PRKAR2A: variants seen among roughly 807,000 people sequenced by gnomAD.
PRKAR2A encodes protein kinase cAMP-dependent type II regulatory subunit alpha, also known as cAMP-dependent protein kinase type II-alpha regulatory subunit.
PRKAR2A carries 29 observed loss-of-function variants against 51.9 expected under a neutral mutation model. The ratio of observed to expected loss-of-function variants is 0.56; its 90% CI spans 0.42 to 0.76. PRKAR2A has a LOEUF of 0.76. Among genes scored for constraint, PRKAR2A ranks in the 30% least tolerant of loss-of-function variants. The probability of loss-of-function intolerance (pLI) is 0.00; values close to 1 mark genes in which losing one functional copy is unlikely to be tolerated. For missense variants in PRKAR2A, 445 were observed against 512.1 expected (o/e 0.87, Z 1.26); for synonymous variants, 178 against 186.2 (o/e 0.96, Z 0.36).
intron 1 of PRKAR2A, among the ~76,000 whole-genome samples, chr3:48,834,018 A>G (rs1279596287): frequency 6.6e-6 from 1 of 151,078 alleles, no homozygotes; most frequent in Non-Finnish European, 1.5e-5. Context: ...CTGGGCAACA[A>G]AGCAAGACTC....
intron 8 of PRKAR2A, among the ~76,000 whole-genome samples, chr3:48,761,435 A>T (rs981387013): frequency 1.1e-4 from 16 of 152,204 alleles, no homozygotes; most frequent in African/African-American, 3.4e-4. Flanking sequence ...GTATAAACTT[A>T]GATGTGCTAT....
intron 6 of PRKAR2A, among the ~76,000 whole-genome samples, chr3:48,766,924 C>T (rs1004338951): frequency 1.3e-5 from 2 of 152,222 alleles, no homozygotes; most frequent in Middle Eastern, 3.4e-3. Flanking sequence ...GTGATCTCCC[C>T]ACCTCAGCCT....
At chr3:48,791,428 C>G (rs1271073175) in intron 3 of PRKAR2A, among the ~76,000 whole-genome samples, 1 of 138,122 alleles carries the variant, frequency 7.2e-6, no homozygotes, top group Non-Finnish European at 1.5e-5. Context: ...AACCCCATCT[C>G]TACTAAAAAC....
intron 3 of PRKAR2A, among the ~76,000 whole-genome samples, chr3:48,793,490 C>G (rs1256142672): frequency 6.6e-6 from 1 of 152,102 alleles, no homozygotes; most frequent in Non-Finnish European, 1.5e-5. Flanking sequence ...CCAGGCTAGT[C>G]TCAACTCCTG....
At chr3:48,789,044 A>G (rs1294822966) in intron 4 of PRKAR2A, among the ~76,000 whole-genome samples, 1 of 152,112 alleles carries the variant, frequency 6.6e-6, no homozygotes, top group Non-Finnish European at 1.5e-5. Context: ...ACTATTATCA[A>G]TGAAGGGAAC....
At chr3:48,790,745 T>C (rs2082369406) in intron 3 of PRKAR2A, 118 bp from the exon 4 acceptor site, 1 of 607,528 alleles carries the variant, frequency 1.6e-6, no homozygotes, top group Non-Finnish European at 2.6e-6. Flanking sequence ...GTTTCTGTTA[T>C]TTTAATTTTA....
At chr3:48,765,105 G>C in intron 7 of PRKAR2A, 27 bp from the exon 8 acceptor site, 1 of 1,606,088 alleles carries the variant, frequency 6.2e-7, no homozygotes, top group South Asian at 1.1e-5. Flanking sequence ...ACAAATAAAA[G>C]GAAAAGACCT....
In PRKAR2A at chr3:48,815,398, G is replaced by C. The variant is rs192912176; in HGVS notation, c.263-7714C>G. On this transcript the variant is annotated intron_variant, in intron 1 of 10. Coordinates refer to ENST00000265563, the MANE Select transcript of PRKAR2A (RefSeq NM_004157.4). ...ACAAAAAGTAAGTCAGCTTTATTATGCTTTAAAAAGGAAGCTGGACGGGCA... is the reference window on the plus strand; with the variant it reads ...ACAAAAAGTAAGTCAGCTTTATTATCCTTTAAAAAGGAAGCTGGACGGGCA... Among the ~76,000 whole-genome samples the C allele has an allele frequency of 3.5e-3, 534 of 151,204 alleles. 6 individuals are homozygous for C. The highest frequency in any genetic ancestry group is 0.012 in the African/African-American group (504 of 41,386).
intron 2 of PRKAR2A, among the ~76,000 whole-genome samples, chr3:48,794,548 A>C (rs2107323042): frequency 6.6e-6 from 1 of 151,940 alleles, no homozygotes; most frequent in East Asian, 2.0e-4. Flanking sequence ...TACAAAAATT[A>C]GCTGGGCGTG....
chr3:48,829,808 T>G (rs2083150375), intron 1 of PRKAR2A, among the ~76,000 whole-genome samples: 1 of 114,152 alleles, frequency 8.8e-6, no homozygotes, highest in Admixed American at 8.5e-5. Context: ...TATATATACA[T>G]ATATATGTAT....
At chr3:48,751,823 G>T in intron 10 of PRKAR2A, 105 bp from the exon 11 acceptor site, 1 of 1,337,060 alleles carries the variant, frequency 7.5e-7, no homozygotes, top group Admixed American at 2.5e-5. Flanking sequence ...ATTACGCCTT[G>T]GGACACCAGC....
chr3:48,771,513 T>G (rs1257322159), intron 6 of PRKAR2A, among the ~76,000 whole-genome samples: 1 of 152,228 alleles, frequency 6.6e-6, no homozygotes, highest in East Asian at 1.9e-4. Flanking sequence ...GATCTGTTAT[T>G]GATTTTTAGT....
chr3:48,826,684 T>C (rs770724890), intron 1 of PRKAR2A, among the ~76,000 whole-genome samples: 7 of 151,996 alleles, frequency 4.6e-5, no homozygotes, highest in African/African-American at 7.2e-5. Context: ...TCCTGAATCA[T>C]CTCATTAACA....
At chr3:48,768,211 T>C (rs1261995569) in intron 6 of PRKAR2A, among the ~76,000 whole-genome samples, 1 of 151,848 alleles carries the variant, frequency 6.6e-6, no homozygotes, top group African/African-American at 2.4e-5. Flanking sequence ...GGAGGATTGC[T>C]TGAGCCCTGG....
chr3:48,845,158 T>C (rs1478466004), intron 1 of PRKAR2A, among the ~76,000 whole-genome samples: 1 of 152,164 alleles, frequency 6.6e-6, no homozygotes, highest in Non-Finnish European at 1.5e-5. Context: ...GGAAGATTGT[T>C]GTCACTGTCC....
intron 6 of PRKAR2A, among the ~76,000 whole-genome samples, chr3:48,769,563 G>A (rs1016486775): frequency 7.9e-5 from 12 of 151,698 alleles, no homozygotes; most frequent in Non-Finnish European, 1.3e-4. Context: ...CGCAACCTCC[G>A]TCTCCCAGGT....
chr3:48,840,378 C>A (rs1268619267), intron 1 of PRKAR2A, among the ~76,000 whole-genome samples: 2 of 151,576 alleles, frequency 1.3e-5, no homozygotes, highest in Admixed American at 6.6e-5. Flanking sequence ...GCCTGTAATC[C>A]CAGCTACTCG....
intron 2 of PRKAR2A, among the ~76,000 whole-genome samples, chr3:48,794,556 G>A (rs971918150): frequency 1.3e-4 from 19 of 151,792 alleles, no homozygotes; most frequent in South Asian, 2.1e-4. Context: ...TTAGCTGGGC[G>A]TGGTGGTGTG....
At position 48,752,249 on chromosome 3, in the gene PRKAR2A, A is replaced by T; in HGVS notation, c.1008T>A (p.Phe336Leu). Residue 336 changes from phenylalanine to leucine, a missense_variant, in exon 10 of 11, where the codon TTT (phenylalanine) becomes TTA (leucine). By Grantham distance (22) the Phe-to-Leu change is conservative. Transcript: ENST00000265563. Reference protein sequence around the residue: ...EIARCHKGQYFGELALVTNKP... With the variant: ...EIARCHKGQYLGELALVTNKP... ...TGTTGGTGACCAGGGCAAGCTCTCC[A>T]AAGTACTGCCCCTTATGGCAGCGGG... is the stretch of plus-strand genomic sequence containing the variant. 6.2e-7 allele frequency: 1 copy of T among 1,614,232 alleles called. No individual in the cohort carries two copies.
Sources: allele counts gnomAD v4.1 joint callset (sites outside exome capture counted in the v4.1 genomes callset), GRCh38; gene constraint gnomAD v4.1.1; transcripts MANE v1.5; gene names NCBI Gene and HGNC (gene_info 2026-07-23, HGNC 2026-07-21).